The following ERG variants were observed in gnomAD, a reference collection of about 807,000 sequenced individuals.
ERG encodes transcriptional regulator ERG.
ERG carries 9 observed loss-of-function variants against 55.3 expected under a neutral mutation model. The ratio of observed to expected loss-of-function variants is 0.16; its 90% CI spans 0.10 to 0.28. ERG has a LOEUF of 0.28. ERG is among the 10% of genes least tolerant of loss of function. ERG has a pLI of 1.00. For missense variants in ERG, 434 were observed against 631.6 expected, an observed-to-expected ratio of 0.69 and a Z score of 3.35; for synonymous variants, 223 against 237.3, an observed-to-expected ratio of 0.94 and a Z score of 0.55.
chr21:38,620,682 G>A (rs1266064106), intron 1 of ERG, among the ~76,000 whole-genome samples: 1 of 152,202 alleles, frequency 6.6e-6, no homozygotes, highest in Admixed American at 6.5e-5. Context: ...GAGAAAGAAA[G>A]ATGCAGGCCT....
chr21:38,491,265 A>AGATGG (rs2059333448), intron 1 of ERG, among the ~76,000 whole-genome samples: 1 of 151,828 alleles, frequency 6.6e-6, no homozygotes, highest in South Asian at 2.1e-4. Flanking sequence ...CATGGAGATG[A>AGATGG]GAAACTCACT....
In ERG at chr21:38,403,613, T is replaced by A; in HGVS notation, c.485A>T (p.Asn162Ile). The A allele has an allele frequency of 6.2e-7, 1 of 1,614,042 alleles. No individual in the cohort carries two copies. Among genetic ancestry groups the A allele is most frequent in the Non-Finnish European group, 8.5e-7 (1 of 1,179,946 alleles). Reference sequence around the variant, plus strand: ...CTTGCACAGTTCCTTCCCATCGATGTTCTGGAATAACAAGATGTTGACGTC... The same window carrying A: ...CTTGCACAGTTCCTTCCCATCGATGATCTGGAATAACAAGATGTTGACGTC... ...LPDVNILLFQ[N>I]IDGKELCKMT... Residue 162 changes from asparagine to isoleucine, a missense_variant, in exon 4 of 10, where the codon AAC (asparagine) becomes ATC (isoleucine). Physicochemically the swap from Asn to Ile is moderately radical, Grantham distance 149. Coordinates refer to ENST00000288319, the MANE Select transcript of ERG (RefSeq NM_182918.4).
chr21:38,386,159 C>T (rs1207080401), intron 9 of ERG, among the ~76,000 whole-genome samples: 3 of 152,220 alleles, frequency 2.0e-5, no homozygotes, highest in African/African-American at 7.2e-5. Flanking sequence ...TGGCAGCAAA[C>T]TCTATGCCCA....
intron 2 of ERG, among the ~76,000 whole-genome samples, chr21:38,544,716 G>A (rs925003250): frequency 6.6e-6 from 1 of 152,094 alleles, no homozygotes; most frequent in African/African-American, 2.4e-5. Flanking sequence ...GATTTGAACT[G>A]ATGAGGGAAA....
In ERG at chr21:38,568,978, G is replaced by T. The variant is rs542443656; in HGVS notation, c.-41+6684C>A. Among the ~76,000 whole-genome samples the T allele has an allele frequency of 7.2e-5, 11 of 152,314 alleles. No homozygotes were observed. In the East Asian group the frequency reaches 1.9e-3, roughly 27 times the overall value. The stretch of plus-strand genomic sequence containing the variant: ...CATAGATGCTGTCGGCAGGACACAG[G>T]GGTGATAGGGGGTGAGCCAGTGGAG... On this transcript the variant is annotated intron_variant, in intron 2 of 8. Transcript: ENST00000398897.
intron 1 of ERG, among the ~76,000 whole-genome samples, chr21:38,452,575 A>G (rs2058951955): frequency 6.6e-6 from 1 of 152,224 alleles, no homozygotes; most frequent in Non-Finnish European, 1.5e-5. Context: ...GGACTTTCAG[A>G]TATTCTTTAT....
At chr21:38,508,539 G>A (rs986996647) in intron 2 of ERG, among the ~76,000 whole-genome samples, 1 of 152,136 alleles carries the variant, frequency 6.6e-6, no homozygotes, top group South Asian at 2.1e-4. Context: ...GCTCCCATTT[G>A]TATACAACTT....
intron 2 of ERG, among the ~76,000 whole-genome samples, chr21:38,557,440 G>C (rs1482562123): frequency 6.6e-6 from 1 of 152,092 alleles, no homozygotes; most frequent in African/African-American, 2.4e-5. Context: ...GCTTCTCTAG[G>C]CTGCAAGTCA....
At chr21:38,478,539 G>A (rs1158448929) in intron 1 of ERG, among the ~76,000 whole-genome samples, 1 of 152,128 alleles carries the variant, frequency 6.6e-6, no homozygotes, top group Non-Finnish European at 1.5e-5. Flanking sequence ...TGCATTGGAC[G>A]TAGACAAGGG....
intron 1 of ERG, among the ~76,000 whole-genome samples, chr21:38,604,620 C>T (rs2060186021): frequency 6.6e-6 from 1 of 152,216 alleles, no homozygotes; most frequent in Non-Finnish European, 1.5e-5. Context: ...ACAGATATTA[C>T]AGTATGCCTT....
chr21:38,452,481 T>C (rs555563450), intron 1 of ERG, among the ~76,000 whole-genome samples: 108 of 152,340 alleles, frequency 7.1e-4, no homozygotes, highest in African/African-American at 2.5e-3. Flanking sequence ...TACATATGTA[T>C]ACATATTACT....
chr21:38,584,783 C>T (rs1224719816), intron 1 of ERG: 1 of 151,938 alleles, frequency 6.6e-6, no homozygotes, highest in Admixed American at 6.5e-5. Flanking sequence ...TACATATCCA[C>T]ATTTTTTAAA....
chr21:38,530,772 C>G (rs971784346), intron 2 of ERG, among the ~76,000 whole-genome samples: 2 of 152,168 alleles, frequency 1.3e-5, no homozygotes, highest in Non-Finnish European at 2.9e-5. Context: ...TTTTAAGAGT[C>G]TTTAAAACGT....
intron 1 of ERG, chr21:38,451,086 C>T: frequency 2.2e-6 from 1 of 450,308 alleles, no homozygotes; most frequent in East Asian, 6.9e-5. Context: ...TGTTTTGGTG[C>T]CTGCTCTTGC....
At chr21:38,556,912 G>A (rs75987060) in intron 2 of ERG, among the ~76,000 whole-genome samples, 344 of 152,254 alleles carry the variant, frequency 2.3e-3, no homozygotes, top group African/African-American at 7.6e-3. Flanking sequence ...CCTGATTAAC[G>A]CTGGGGTAGC....
chr21:38,422,317 C>G (rs1478827426), intron 3 of ERG, among the ~76,000 whole-genome samples: 1 of 152,258 alleles, frequency 6.6e-6, no homozygotes, highest in Non-Finnish European at 1.5e-5. Context: ...AGGGAACCCA[C>G]AGAAATTGCT....
chr21:38,452,186 C>A (rs1350326710), intron 1 of ERG, among the ~76,000 whole-genome samples: 2 of 152,208 alleles, frequency 1.3e-5, no homozygotes, highest in South Asian at 2.1e-4. Flanking sequence ...TCACCACTCA[C>A]AACACTAGTC....
Position 38,460,732 on chromosome 21 carries a change from A to G in ERG, c.19-15111T>C, listed in dbSNP as rs939851579. ...CCTTTAGGGAAACTGACTTGTGGCA[A>G]CTGAAAGGAATAACGGCACCAAAGT... On this transcript the variant is annotated intron_variant, in intron 1 of 9. Coordinates refer to ENST00000288319, the MANE Select transcript of ERG (RefSeq NM_182918.4). The surrounding 1 kb of genome is among the most constrained non-coding windows in gnomAD (Gnocchi z 5.0). Among the ~76,000 whole-genome samples the G allele has an allele frequency of 6.6e-6, 1 of 152,202 alleles. No homozygotes were observed. Among genetic ancestry groups the G allele is most frequent in the African/African-American group, 2.4e-5 (1 of 41,460 alleles).
intron 2 of ERG, among the ~76,000 whole-genome samples, chr21:38,442,933 G>A (rs985073336): frequency 6.6e-5 from 10 of 151,940 alleles, no homozygotes; most frequent in South Asian, 2.1e-4. Flanking sequence ...TCAGCCTCCC[G>A]AGTAGCTGGG....
Sources: allele counts gnomAD v4.1 joint callset (sites outside exome capture counted in the v4.1 genomes callset), GRCh38; gene constraint gnomAD v4.1.1; non-coding constraint Gnocchi (gnomAD v3.1); transcripts MANE v1.5; gene names NCBI Gene and HGNC (gene_info 2026-07-23, HGNC 2026-07-21).